PTCH1: variants seen among roughly 807,000 people sequenced by gnomAD.
PTCH1 encodes patched 1.
A neutral mutation model predicts 144.6 loss-of-function variants in PTCH1; 14 were observed. The ratio of observed to expected loss-of-function variants is 0.10; its 90% confidence interval spans 0.06 to 0.15. The LOEUF (loss-of-function observed/expected upper bound fraction) is 0.15. Among genes scored for constraint, PTCH1 ranks in the 10% least tolerant of loss-of-function variants. The pLI is 1.00. For missense variants in PTCH1, 1,623 were observed against 1,948.3 expected (o/e 0.83, Z 3.14); for synonymous variants, 833 against 793.6 (o/e 1.05, Z -0.83).
In PTCH1 at chr9:95,508,674, G is replaced by C; in HGVS notation, c.-313C>G. On this transcript the variant is annotated 5_prime_UTR_variant, in exon 1 of 24. Coordinates refer to ENST00000331920, the MANE Select transcript of PTCH1 (RefSeq NM_000264.5). ...CCACATCCAGTTCGCGGAAGAGCGAGAGCCGGCGCGCCGAGCGAGCCTGTC... is the reference window on the plus strand; with the variant it reads ...CCACATCCAGTTCGCGGAAGAGCGACAGCCGGCGCGCCGAGCGAGCCTGTC... 3.0e-6 allele frequency: 3 copies of C among 987,758 alleles called. No homozygotes were observed. The highest frequency in any genetic ancestry group is 3.6e-6 in the Non-Finnish European group (3 of 831,644). The allele number at this position is 987,758 out of a possible 1,614,324, so 61.2% of individuals were successfully genotyped here.
chr9:95,477,449 G>T, intron 10 of PTCH1, 98 bp downstream of exon 10: 1 of 1,520,748 alleles, frequency 6.6e-7, no homozygotes, highest in Admixed American at 1.7e-5. Flanking sequence ...GACCCTTCCG[G>T]TGAGAAGGAC....
chr9:95,497,352 A>G (rs1023781936), intron 2 of PTCH1, among the ~76,000 whole-genome samples: 1 of 152,234 alleles, frequency 6.6e-6, no homozygotes, highest in African/African-American at 2.4e-5. Flanking sequence ...TCAGCTCCGA[A>G]CAATCATCAT....
rs559440288 is a variant in PTCH1, at chr9:95,446,251, G to A, written c.*142C>T. 2.1e-5 allele frequency: 9 copies of A among 427,640 alleles called. No homozygotes were observed. The highest frequency in any genetic ancestry group is 6.7e-5 in the South Asian group (4 of 59,878). The allele number at this position is 427,640 out of a possible 1,614,324, so 26.5% of individuals were successfully genotyped here. On this transcript the variant is annotated 3_prime_UTR_variant, in exon 24 of 24. Coordinates refer to ENST00000331920, the MANE Select transcript of PTCH1 (RefSeq NM_000264.5). ...AAATATTTAACAAAATAATACAATC[G>A]GTTACAGTAACAATGAACTGCTGTC...
chr9:95,516,737 C>A (rs758545894), exon 1 of PTCH1: 9 of 1,613,252 alleles, frequency 5.6e-6, no homozygotes, highest in African/African-American at 4.0e-5. Context: ...TGTAAAAACC[C>A]CGGCGCGCTG....
At chr9:95,479,272 T>C in intron 7 of PTCH1, 125 bp from the exon 8 acceptor site, 3 of 1,236,734 alleles carry the variant, frequency 2.4e-6, no homozygotes, top group African/African-American at 1.5e-5. Flanking sequence ...TGTGAGCACA[T>C]GTTTCCATTA....
At chr9:95,512,488 G>A (rs1460759157), upstream of PTCH1, among the ~76,000 whole-genome samples, 1 of 151,732 alleles carries the variant, frequency 6.6e-6, no homozygotes, top group East Asian at 1.9e-4. Flanking sequence ...AAGGGAAGAG[G>A]AGCCAGTGTA....
At chr9:95,450,074 C>T in intron 20 of PTCH1, 134 bp from the exon 21 acceptor site, 1 of 798,708 alleles carries the variant, frequency 1.3e-6, no homozygotes, top group South Asian at 1.5e-5. Flanking sequence ...TGTTATCCAA[C>T]CGCAGTTCAC....
chr9:95,482,496 G>C, intron 3 of PTCH1: 1 of 452,184 alleles, frequency 2.2e-6, no homozygotes, highest in South Asian at 2.3e-5. Context: ...CCATTAATCT[G>C]CTTTTCTACA....
chr9:95,455,118 A>G (rs1355277813), intron 19 of PTCH1, among the ~76,000 whole-genome samples: 1 of 152,246 alleles, frequency 6.6e-6, no homozygotes, highest in African/African-American at 2.4e-5. Context: ...GAAGAAAATA[A>G]TTTGAGCAGG....
At chr9:95,501,000 T>G (rs1329940728) in intron 2 of PTCH1, among the ~76,000 whole-genome samples, 1 of 152,150 alleles carries the variant, frequency 6.6e-6, no homozygotes, top group South Asian at 2.1e-4. Context: ...CTAAGAAAAA[T>G]AGTTATCTGG....
intron 1 of PTCH1, chr9:95,507,263 G>A: frequency 1.0e-6 from 1 of 985,540 alleles, no homozygotes; most frequent in Non-Finnish European, 1.2e-6. Flanking sequence ...GCAGCCACAT[G>A]GATCTTTCCC....
chr9:95,473,611 C>T (rs1051981178), intron 12 of PTCH1, among the ~76,000 whole-genome samples: 1 of 146,346 alleles, frequency 6.8e-6, no homozygotes, highest in African/African-American at 2.5e-5. Context: ...ATAGCACGAT[C>T]TCAGCTCACC....
intron 1 of PTCH1, among the ~76,000 whole-genome samples, chr9:95,515,261 G>T (rs1472744113): frequency 6.6e-6 from 1 of 152,224 alleles, no homozygotes; most frequent in Non-Finnish European, 1.5e-5. Flanking sequence ...TATTGTGGTA[G>T]TTCAAGACCT....
chr9:95,469,844 T>C lies in PTCH1; in HGVS notation c.1816A>G (p.Arg606Gly), dbSNP rs1389910090. The change falls in exon 13 of 24, where the codon AGG (arginine) becomes GGG (glycine). Residue 606 changes from arginine to glycine, a missense_variant. By Grantham distance (125) the Arg-to-Gly change is moderately radical. Around this residue, in one of 7 missense-constraint regions of PTCH1, gnomAD observed 135 missense variants for 228.7 expected, o/e 0.59. Transcript: ENST00000331920. ...AAACAGCAGAAAATATCCAGTCTCCTGTCCTCGCGTCGATATAAATCCATG... is the reference window on the plus strand; with the variant it reads ...AAACAGCAGAAAATATCCAGTCTCCCGTCCTCGCGTCGATATAAATCCATG... ...LSMDLYRRED[R>G]RLDIFCCFTS... The C allele has an allele frequency of 6.2e-7, 1 of 1,614,098 alleles. No individual in the cohort carries two copies. The highest frequency in any genetic ancestry group is 8.5e-7 in the Non-Finnish European group (1 of 1,179,966).
At chr9:95,511,844 A>AG (rs553253958), upstream of PTCH1, among the ~76,000 whole-genome samples, 605 of 152,218 alleles carry the variant, frequency 4.0e-3, 2 homozygotes, top group African/African-American at 0.014. Context: ...AAACTGGGGG[A>AG]GGGGGGTAGT....
chr9:95,462,966 G>T (rs547988322), intron 15 of PTCH1, among the ~76,000 whole-genome samples: 23 of 152,116 alleles, frequency 1.5e-4, no homozygotes, highest in Non-Finnish European at 2.2e-4. Flanking sequence ...GCGCTGGCTG[G>T]TGCGCACGCT....
rs569861753 is a variant in PTCH1, at chr9:95,445,728, C to T, written c.*665G>A. ...GACAGTGTAGAGAAACAAAACAAGA[C>T]AAAAAAAAAATCACAGTACAGTACA... On this transcript the variant is annotated 3_prime_UTR_variant, in exon 24 of 24. Transcript: ENST00000331920. 1 of 149,692 alleles carries T rather than the reference C, an allele frequency of 6.7e-6. No individual in the cohort carries two copies. The highest frequency in any genetic ancestry group is 1.5e-5 in the Non-Finnish European group (1 of 67,206). 9.3% of individuals were successfully genotyped at this position (149,692 alleles called of 1,614,324 possible). A position where few individuals can be genotyped will look rare whatever the true frequency, so the allele number is the denominator to read the frequency against.
intron 3 of PTCH1, 56 bp from the exon 4 acceptor site, chr9:95,482,259 C>T: frequency 6.7e-7 from 1 of 1,497,594 alleles, no homozygotes; most frequent in Middle Eastern, 1.7e-4. Flanking sequence ...AAAATTAGTG[C>T]AAATTCGAAA....
intron 12 of PTCH1, chr9:95,474,150 G>A (rs1192429850): frequency 4.4e-6 from 2 of 454,808 alleles, no homozygotes; most frequent in Non-Finnish European, 8.8e-6. Context: ...TGTACTAAGA[G>A]AGGAGAGGAG....
Sources: gnomAD v4.1 joint callset for allele counts (sites outside exome capture counted in the v4.1 genomes callset) on GRCh38, gnomAD v4.1.1 for gene constraint, gnomAD v4.1.1 regional missense constraint, MANE v1.5 for transcripts, NCBI Gene and HGNC (gene_info 2026-07-23, HGNC 2026-07-21) for gene names.